The following GRIN2A variants were observed in gnomAD, a reference collection of about 807,000 sequenced individuals.
The protein encoded by GRIN2A is glutamate ionotropic receptor NMDA type subunit 2A.
Under a neutral mutation model 113.4 loss-of-function variants are expected in GRIN2A, and 22 were observed. That is an observed-to-expected ratio of 0.19 (90% CI 0.14 to 0.28). The LOEUF (loss-of-function observed/expected upper bound fraction) is 0.28. Among genes scored for constraint, GRIN2A ranks in the 10% least tolerant of loss-of-function variants. The pLI is 1.00. For synonymous variants in GRIN2A, 827 were observed against 738.4 expected (o/e 1.12, Z -1.94); for missense variants, 1,502 against 1,887.0 (o/e 0.80, Z 3.78).
intron 2 of GRIN2A, among the ~76,000 whole-genome samples, chr16:10,131,460 C>G (rs1430113581): frequency 7.2e-6 from 1 of 139,712 alleles, no homozygotes; most frequent in Non-Finnish European, 1.6e-5. Flanking sequence ...TCTCTTCTCA[C>G]CACTTATCCC....
intron 2 of GRIN2A, among the ~76,000 whole-genome samples, chr16:9,960,103 C>T (rs2045406656): frequency 6.6e-6 from 1 of 152,158 alleles, no homozygotes; most frequent in Admixed American, 6.5e-5. Context: ...GCCCAGGTAA[C>T]AGATAGTAGA....
chr16:9,911,348 A>C (rs1350325564), intron 3 of GRIN2A, among the ~76,000 whole-genome samples: 1 of 152,226 alleles, frequency 6.6e-6, no homozygotes, highest in Admixed American at 6.5e-5. Context: ...AATGGTCATA[A>C]AATGAATGAA....
At chr16:9,769,827 C>T (rs1182112255) in intron 11 of GRIN2A, among the ~76,000 whole-genome samples, 3 of 152,148 alleles carry the variant, frequency 2.0e-5, no homozygotes, top group Non-Finnish European at 4.4e-5. Context: ...TGTGGCAATC[C>T]TCAAATATGT....
At chr16:9,791,120 A>C (rs1361047725) in intron 11 of GRIN2A, among the ~76,000 whole-genome samples, 2 of 152,240 alleles carry the variant, frequency 1.3e-5, no homozygotes, top group African/African-American at 4.8e-5. Context: ...GAAACTGCAG[A>C]ACCTTCATCT....
At chr16:9,767,782 G>T (rs971272214) in intron 12 of GRIN2A, among the ~76,000 whole-genome samples, 1 of 152,124 alleles carries the variant, frequency 6.6e-6, no homozygotes, top group Admixed American at 6.5e-5. Flanking sequence ...TGCTTGATAC[G>T]TGTGCATTTT....
intron 2 of GRIN2A, among the ~76,000 whole-genome samples, chr16:10,099,453 A>G (rs2048352372): frequency 6.6e-6 from 1 of 150,704 alleles, no homozygotes; most frequent in Non-Finnish European, 1.5e-5. Context: ...AGAAGGAAAG[A>G]GAATGCCATC....
chr16:9,797,829 G>A (rs1348430303), intron 11 of GRIN2A, among the ~76,000 whole-genome samples: 1 of 152,064 alleles, frequency 6.6e-6, no homozygotes, highest in Non-Finnish European at 1.5e-5. Flanking sequence ...GCATCTTCTG[G>A]CCCTGGCCTC....
At chr16:9,926,435 A>G (rs1356279030) in intron 3 of GRIN2A, among the ~76,000 whole-genome samples, 2 of 152,232 alleles carry the variant, frequency 1.3e-5, no homozygotes, top group African/African-American at 2.4e-5. Flanking sequence ...TGCAGCTTTA[A>G]GTAAGAATGT....
chr16:9,823,316 T>C (rs1244848233), intron 9 of GRIN2A, among the ~76,000 whole-genome samples: 1 of 152,150 alleles, frequency 6.6e-6, no homozygotes, highest in African/African-American at 2.4e-5. Context: ...GGTTGGAAAA[T>C]TGGGTTCTAT....
intron 2 of GRIN2A, among the ~76,000 whole-genome samples, chr16:9,983,560 C>A (rs1381635435): frequency 6.6e-6 from 1 of 151,556 alleles, no homozygotes; most frequent in Non-Finnish European, 1.5e-5. Context: ...CTGCCTCAGC[C>A]TCCCGAGTAG....
At chr16:10,051,715 TA>T (rs2047363474) in intron 2 of GRIN2A, among the ~76,000 whole-genome samples, 1 of 152,008 alleles carries the variant, frequency 6.6e-6, no homozygotes, top group Non-Finnish European at 1.5e-5. Context: ...AGGTAGAAAA[TA>T]CCAGGAACGG....
chr16:9,948,537 C>A lies in GRIN2A; in HGVS notation c.415-9986G>T, dbSNP rs190923769. On this transcript the variant is annotated intron_variant, in intron 2 of 12. Transcript: ENST00000330684. ...TGGTGCCAGGTGACCTCTGTCCATC[C>A]CAGGGAGGACTAGGCAATGACATAA... 3.7e-3 allele frequency among the ~76,000 whole-genome samples: 567 copies of A among 152,282 alleles called. 5 individuals carry two copies. The highest frequency in any genetic ancestry group is 6.8e-3 in the Middle Eastern group (2 of 294).
At chr16:9,788,894 C>G (rs906432871) in intron 11 of GRIN2A, among the ~76,000 whole-genome samples, 7 of 152,042 alleles carry the variant, frequency 4.6e-5, no homozygotes, top group Admixed American at 1.3e-4. Context: ...AGGCACCCAC[C>G]ACCACACCTG....
At chr16:10,165,362 G>A (rs1290381607) in intron 2 of GRIN2A, among the ~76,000 whole-genome samples, 1 of 151,670 alleles carries the variant, frequency 6.6e-6, no homozygotes, top group Non-Finnish European at 1.5e-5. Context: ...GTTGTCTGTG[G>A]ATGCTGAGAG....
rs2042825699 is a variant in GRIN2A, at chr16:9,848,769, C to T, written c.1328+987G>A. On this transcript the variant is annotated intron_variant, in intron 5 of 12. Transcript: ENST00000330684. ...TAATATTTTAAATATATAAAATACA[C>T]TGTTTTATATATTTAAATATATAAA... Among the ~76,000 whole-genome samples, 2 of 111,372 alleles carry T rather than the reference C, an allele frequency of 1.8e-5. 1 individual carries two copies. The highest frequency in any genetic ancestry group is 1.8e-4 in the Admixed American group (2 of 10,814). 73.1% of individuals were successfully genotyped at this position (111,372 alleles called of 152,430 possible). A position where few individuals can be genotyped will look rare whatever the true frequency, so the allele number is the denominator to read the frequency against.
At chr16:10,177,568 T>C (rs1596584082) in intron 2 of GRIN2A, among the ~76,000 whole-genome samples, 1 of 152,224 alleles carries the variant, frequency 6.6e-6, no homozygotes, top group Non-Finnish European at 1.5e-5. Context: ...TCTTTATTTC[T>C]CTGGAAATGT....
At chr16:9,944,390 G>A (rs2044965499) in intron 2 of GRIN2A, among the ~76,000 whole-genome samples, 1 of 152,018 alleles carries the variant, frequency 6.6e-6, no homozygotes, top group Non-Finnish European at 1.5e-5. Context: ...TGGTCACACT[G>A]GAAAACAACT....
intron 2 of GRIN2A, among the ~76,000 whole-genome samples, chr16:9,983,775 T>C (rs1177549754): frequency 1.3e-5 from 2 of 152,200 alleles, no homozygotes; most frequent in Non-Finnish European, 2.9e-5. Context: ...TAGTATTCCA[T>C]TGTGTATACA....
At chr16:9,893,353 C>G (rs769928614) in intron 3 of GRIN2A, among the ~76,000 whole-genome samples, 1 of 152,172 alleles carries the variant, frequency 6.6e-6, no homozygotes, top group African/African-American at 2.4e-5. Flanking sequence ...CTTTAACAAA[C>G]AGAAAACTAA....
Sources: allele counts gnomAD v4.1 joint callset (sites outside exome capture counted in the v4.1 genomes callset), GRCh38; gene constraint gnomAD v4.1.1; transcripts MANE v1.5; gene names NCBI Gene and HGNC (gene_info 2026-07-23, HGNC 2026-07-21).